CTR9: variants seen among roughly 807,000 people sequenced by gnomAD.
The protein encoded by CTR9 is RNA polymerase-associated protein CTR9 homolog.
CTR9 carries 41 observed loss-of-function variants against 152.1 expected under a neutral mutation model. That is an observed-to-expected ratio of 0.27 (90% CI 0.21 to 0.35). The LOEUF (loss-of-function observed/expected upper bound fraction) is 0.35. Ranked by LOEUF, CTR9 falls within the 10% of genes least tolerant of loss-of-function variation. CTR9 has a pLI of 1.00. For missense variants in CTR9, 917 were observed against 1,424.4 expected, an observed-to-expected ratio of 0.64 and a Z score of 5.73; for synonymous variants, 476 against 496.2, an observed-to-expected ratio of 0.96 and a Z score of 0.54.
rs961051485 is a variant in CTR9 at position 10,779,232 on chromosome 11, G to T, written c.*127G>T. ...CTTAAGGCAATTTTCTTTTCTATCA[G>T]TTTGTATATTACTAAGCCCCAAGAG... On this transcript the variant is annotated 3_prime_UTR_variant, in exon 25 of 25. Coordinates refer to ENST00000361367, the MANE Select transcript of CTR9 (RefSeq NM_014633.5). 3.3e-6 allele frequency: 3 copies of T among 903,920 alleles called. No individual in the cohort carries two copies. The African/African-American group carries it at 5.0e-5, about 15-fold the overall frequency. 56.0% of individuals were successfully genotyped at this position (903,920 alleles called of 1,614,324 possible). A position where few individuals can be genotyped will look rare whatever the true frequency, so the allele number is the denominator to read the frequency against.
At chr11:10,752,121 G>A (rs1862813676) in intron 1 of CTR9, among the ~76,000 whole-genome samples, 1 of 152,028 alleles carries the variant, frequency 6.6e-6, no homozygotes, top group African/African-American at 2.4e-5. Context: ...ATATAATATT[G>A]AGGTATAAAA....
chr11:10,763,926 A>C, intron 9 of CTR9, 47 bp downstream of exon 9: 1 of 1,449,686 alleles, frequency 6.9e-7, no homozygotes, highest in Non-Finnish European at 9.4e-7. Flanking sequence ...TAGCTGTCCC[A>C]AAACTCCCAT....
At chr11:10,770,135 A>G (rs960077514) in intron 16 of CTR9, 75 bp from the exon 17 acceptor site, 16 of 1,046,894 alleles carry the variant, frequency 1.5e-5, no homozygotes, top group African/African-American at 4.8e-5. Flanking sequence ...TAAAATTGCA[A>G]TGCCATTTTG....
At chr11:10,764,503 T>G in intron 11 of CTR9, 45 bp from the exon 12 acceptor site, 1 of 1,604,030 alleles carries the variant, frequency 6.2e-7, no homozygotes, top group Non-Finnish European at 8.5e-7. Flanking sequence ...TTTTAAAAAG[T>G]GTATAAACTA....
At chr11:10,762,617 G>A (rs1401904861) in intron 7 of CTR9, among the ~76,000 whole-genome samples, 3 of 152,196 alleles carry the variant, frequency 2.0e-5, no homozygotes, top group Non-Finnish European at 4.4e-5. Context: ...AGGGAACAAG[G>A]AGTCACTGAC....
At chr11:10,755,335 C>A (rs919188263) in intron 3 of CTR9, 138 bp downstream of exon 3, 6 of 1,073,858 alleles carry the variant, frequency 5.6e-6, no homozygotes, top group Middle Eastern at 6.3e-4. Flanking sequence ...AGAAAGGTTC[C>A]TCATTAAAAT....
intron 12 of CTR9, 71 bp downstream of exon 12, chr11:10,764,802 A>T: frequency 1.5e-6 from 2 of 1,356,062 alleles, no homozygotes; most frequent in South Asian, 3.1e-5. Flanking sequence ...ATTTAGCCTG[A>T]AAAAAATTTA....
In CTR9 at chr11:10,767,963, T is replaced by G. The variant is rs1863084962; in HGVS notation, c.1844T>G (p.Leu615Ter). 6.2e-7 allele frequency: 1 copy of G among 1,614,010 alleles called. No individual in the cohort carries two copies. The highest frequency in any genetic ancestry group is 8.5e-7 in the Non-Finnish European group (1 of 1,180,006). The change falls in exon 14 of 25, where the codon TTA (leucine) becomes TGA (stop). Residue 615 changes from leucine (L) to a stop codon, truncating the protein, a stop_gained. Transcript: ENST00000361367. LOFTEE classifies it high-confidence loss of function. This position sits in a 1 kb window ranked among gnomAD's most constrained non-coding sequence, Gnocchi z 4.0. The stretch of plus-strand genomic sequence containing the variant: ...CTTGGCAACGTGTGGCTCCAAACTT[T>G]ACATCAGCCCACCCGAGATCGAGAA... ...LALGNVWLQT[L>*]HQPTRDREKE...
chr11:10,778,152 G>A (rs1863271821), intron 24 of CTR9, among the ~76,000 whole-genome samples: 1 of 152,174 alleles, frequency 6.6e-6, no homozygotes, highest in Non-Finnish European at 1.5e-5. Context: ...TAGTGCAGTA[G>A]CAAATCTTAG....
Position 10,779,307 on chromosome 11 carries a change from CTA to C in CTR9, c.*204_*205del, listed in dbSNP as rs1863294617. 1 of 555,434 alleles carries C rather than the reference CTA, an allele frequency of 1.8e-6. No homozygotes were observed. Among genetic ancestry groups the C allele is most frequent in the Non-Finnish European group, 3.2e-6 (1 of 316,884 alleles). The allele number at this position is 555,434 out of a possible 1,614,324, so 34.4% of individuals were successfully genotyped here. ...ATTTGAGTCTCTCGTGCAAATGAGA[CTA>C]TTCTTTGTGGTACAATTCCACCTAT... is the stretch of plus-strand genomic sequence containing the variant. On this transcript the variant is annotated 3_prime_UTR_variant, in exon 25 of 25. Coordinates refer to ENST00000361367, the MANE Select transcript of CTR9 (RefSeq NM_014633.5).
chr11:10,761,650 G>C (rs908916953), intron 6 of CTR9, among the ~76,000 whole-genome samples: 1 of 151,940 alleles, frequency 6.6e-6, no homozygotes, highest in African/African-American at 2.4e-5. Context: ...AAACAAAGGT[G>C]GCTCTTTGTG....
chr11:10,761,932 A>G lies in CTR9; in HGVS notation c.742-15A>G, dbSNP rs765727374. 3.9e-6 allele frequency: 6 copies of G among 1,533,350 alleles called. No homozygotes were observed. In the East Asian group the frequency reaches 1.4e-4, roughly 35 times the overall value. The allele number at this position is 1,533,350 out of a possible 1,614,324, so 95.0% of individuals were successfully genotyped here. ...TATTGTTTTCACTCCACCTTGTTGCAATGTTTTCTTTTAGGCTGATTCCAT... is the reference window on the plus strand; with the variant it reads ...TATTGTTTTCACTCCACCTTGTTGCGATGTTTTCTTTTAGGCTGATTCCAT... On this transcript the variant is annotated splice_polypyrimidine_tract_variant and intron_variant, in intron 6 of 24. Transcript: ENST00000361367.
At position 10,751,294 on chromosome 11, in the gene CTR9, C is replaced by T. The variant is rs918022518; in HGVS notation, c.-119C>T. The stretch of plus-strand genomic sequence containing the variant: ...GGAGAAGCCAGAGCTCCAGCGGCGC[C>T]GCGGGGCGGCAGTCAAGACCAGAGC... On this transcript the variant is annotated 5_prime_UTR_variant, in exon 1 of 25. Coordinates refer to ENST00000361367, the MANE Select transcript of CTR9 (RefSeq NM_014633.5). The T allele has an allele frequency of 2.8e-6, 3 of 1,078,050 alleles. No homozygotes were observed. Among genetic ancestry groups the T allele is most frequent in the Admixed American group, 1.9e-5 (1 of 52,648 alleles). 66.8% of individuals were successfully genotyped at this position (1,078,050 alleles called of 1,614,324 possible).
chr11:10,762,774 T>C (rs533903834), intron 7 of CTR9, among the ~76,000 whole-genome samples: 41 of 151,852 alleles, frequency 2.7e-4, no homozygotes, highest in African/African-American at 9.9e-4. Flanking sequence ...GGGGCCTAGG[T>C]GGGAGGATTG....
At chr11:10,758,082 T>C (rs1355083565) in intron 5 of CTR9, among the ~76,000 whole-genome samples, 1 of 151,150 alleles carries the variant, frequency 6.6e-6, no homozygotes, top group Admixed American at 6.6e-5. Context: ...AGAGAAAGAG[T>C]TGGGGGGAAA....
chr11:10,766,545 C>G, intron 13 of CTR9, 55 bp downstream of exon 13: 2 of 1,328,328 alleles, frequency 1.5e-6, no homozygotes, highest in Non-Finnish European at 2.1e-6. Context: ...TTTTCCTTCC[C>G]CATAAATCAG....
At chr11:10,751,944 A>C (rs1862809375) in intron 1 of CTR9, among the ~76,000 whole-genome samples, 1 of 152,044 alleles carries the variant, frequency 6.6e-6, no homozygotes, top group African/African-American at 2.4e-5. Context: ...ACTCTCCTTC[A>C]ACGAGATATC....
In CTR9 at chr11:10,763,869, A is replaced by T; in HGVS notation, c.1184A>T (p.Asp395Val). 5 of 1,603,494 alleles carry T rather than the reference A, an allele frequency of 3.1e-6. No individual in the cohort carries two copies. The highest frequency in any genetic ancestry group is 4.3e-6 in the Non-Finnish European group (5 of 1,176,208). ...GCCTCAGAAGATCAAGAAAAACGAG[A>T]TATTGCCAAGGTACATCTTTTTTTT... ...YAASEDQEKR[D>V]IAKGHLKKVT... Residue 395 changes from aspartate to valine, a missense_variant, in exon 9 of 25, where the codon GAT (aspartate) becomes GTT (valine). Around this residue, in one of 9 missense-constraint regions of CTR9, gnomAD observed 133 missense variants for 244.1 expected, o/e 0.54. Coordinates refer to ENST00000361367, the MANE Select transcript of CTR9 (RefSeq NM_014633.5).
intron 3 of CTR9, 51 bp downstream of exon 3, chr11:10,755,248 G>A (rs760538044): frequency 6.4e-7 from 1 of 1,564,084 alleles, no homozygotes; most frequent in Non-Finnish European, 8.6e-7. Context: ...AAAAGCACAT[G>A]AAAGCAAAAT....
Sources: allele counts gnomAD v4.1 joint callset (sites outside exome capture counted in the v4.1 genomes callset), GRCh38; gene constraint gnomAD v4.1.1; regional missense constraint gnomAD v4.1.1; non-coding constraint Gnocchi (gnomAD v3.1); transcripts MANE v1.5; gene names NCBI Gene and HGNC (gene_info 2026-07-23, HGNC 2026-07-21).